The following TBC1D5 variants were observed in gnomAD, a reference collection of about 807,000 sequenced individuals.
The protein encoded by TBC1D5 is TBC1 domain family member 5.
TBC1D5 carries 75 observed loss-of-function variants against 100.3 expected under a neutral mutation model. The observed-to-expected ratio is 0.75, with a 90% CI of 0.62 to 0.91. TBC1D5 has a LOEUF of 0.91. Among genes scored for constraint, TBC1D5 ranks in the 40% least tolerant of loss-of-function variants. TBC1D5 has a pLI of 0.00. For synonymous variants in TBC1D5, 323 were observed against 325.6 expected, an observed-to-expected ratio of 0.99 and a Z score of 0.09; for missense variants, 910 against 942.4, an observed-to-expected ratio of 0.97 and a Z score of 0.45.
chr3:17,193,038 T>G (rs868024951), intron 18 of TBC1D5, among the ~76,000 whole-genome samples: 26 of 152,268 alleles, frequency 1.7e-4, no homozygotes, highest in Non-Finnish European at 2.9e-5. Context: ...TTTTCACTCC[T>G]TTAGTTTCCC....
At chr3:17,445,128 T>C (rs2094756359) in intron 3 of TBC1D5, among the ~76,000 whole-genome samples, 2 of 152,186 alleles carry the variant, frequency 1.3e-5, no homozygotes, top group Admixed American at 1.3e-4. Flanking sequence ...ATATTTCACA[T>C]CTAGTTTATG....
chr3:17,481,696 G>A (rs555270106), intron 3 of TBC1D5, among the ~76,000 whole-genome samples: 13 of 152,336 alleles, frequency 8.5e-5, no homozygotes, highest in East Asian at 1.9e-4. Flanking sequence ...CCTTAAAAAT[G>A]TATTGTATTA....
chr3:17,327,121 T>A (rs1196403491), intron 13 of TBC1D5, among the ~76,000 whole-genome samples: 2 of 152,208 alleles, frequency 1.3e-5, no homozygotes, highest in African/African-American at 2.4e-5. Context: ...TTTATTTAAC[T>A]GAATAAATTT....
At chr3:17,706,735 AATTAT>A (rs2074220779) in intron 1 of TBC1D5, among the ~76,000 whole-genome samples, 1 of 151,790 alleles carries the variant, frequency 6.6e-6, no homozygotes, top group Non-Finnish European at 1.5e-5. Flanking sequence ...TTTGAGTTTA[AATTAT>A]ATTAAATTAA....
chr3:17,242,160 T>TG (rs1422791342), intron 16 of TBC1D5, among the ~76,000 whole-genome samples: 1 of 152,190 alleles, frequency 6.6e-6, no homozygotes, highest in African/African-American at 2.4e-5. Context: ...GGGCCTCCAA[T>TG]GCCTTCGTAG....
intron 2 of TBC1D5, among the ~76,000 whole-genome samples, chr3:17,573,081 A>AT (rs1281289424): frequency 6.6e-6 from 1 of 152,064 alleles, no homozygotes; most frequent in Admixed American, 6.6e-5. Context: ...AGATCCATAC[A>AT]TTCAACCATC....
Position 17,632,963 on chromosome 3 carries a change from T to C in TBC1D5, c.-100-9050A>G, listed in dbSNP as rs1002879884. ...GCCTATAGTGATAATACACCCTTTT[T>C]CCCCAACAATTATAACTTTATTCCA... On this transcript the variant is annotated intron_variant, in intron 1 of 21. Coordinates refer to ENST00000253692, the Ensembl canonical transcript of TBC1D5. Among the ~76,000 whole-genome samples, 7 of 152,236 alleles carry C rather than the reference T, an allele frequency of 4.6e-5. No individual in the cohort carries two copies. The South Asian group carries it at 8.3e-4, about 18-fold the overall frequency.
At chr3:17,720,221 CTT>C (rs2075579948) in intron 1 of TBC1D5, among the ~76,000 whole-genome samples, 1 of 152,102 alleles carries the variant, frequency 6.6e-6, no homozygotes, top group African/African-American at 2.4e-5. Context: ...GAAATGGCTG[CTT>C]TGTTTTCAAT....
At chr3:17,205,273 A>G (rs1243779202) in intron 18 of TBC1D5, among the ~76,000 whole-genome samples, 2 of 152,218 alleles carry the variant, frequency 1.3e-5, no homozygotes, top group Non-Finnish European at 2.9e-5. Context: ...TGAACTCTAG[A>G]TTCCAGTTTT....
chr3:17,405,130 T>C (rs1303870817), intron 5 of TBC1D5, among the ~76,000 whole-genome samples, 169 bp from the exon 6 acceptor site: 1 of 152,024 alleles, frequency 6.6e-6, no homozygotes, highest in Non-Finnish European at 1.5e-5. Context: ...TTAAGAAATA[T>C]ATAATCAGAA....
chr3:17,686,326 T>C (rs535069602), intron 1 of TBC1D5, among the ~76,000 whole-genome samples: 2 of 152,274 alleles, frequency 1.3e-5, no homozygotes, highest in South Asian at 4.1e-4. Context: ...ATTCTTTATA[T>C]CCTTAAATAG....
chr3:17,633,494 G>T (rs1435853799), intron 1 of TBC1D5, among the ~76,000 whole-genome samples: 1 of 151,912 alleles, frequency 6.6e-6, no homozygotes, highest in Non-Finnish European at 1.5e-5. Context: ...TGTTTCCATA[G>T]AACAGGTAAA....
intron 2 of TBC1D5, among the ~76,000 whole-genome samples, chr3:17,596,315 CTTTT>C (rs397874911): frequency 1.6e-5 from 2 of 126,010 alleles, no homozygotes; most frequent in Non-Finnish European, 3.4e-5. Flanking sequence ...TCCAGCTTTC[CTTTT>C]TTTTTTTTTT....
chr3:17,215,205 T>C (rs1453023029), intron 17 of TBC1D5, among the ~76,000 whole-genome samples: 1 of 152,030 alleles, frequency 6.6e-6, no homozygotes, highest in Non-Finnish European at 1.5e-5. Flanking sequence ...GAATCAGAGA[T>C]GGTCAAGTGG....
At chr3:17,247,013 G>C (rs1478298962) in intron 16 of TBC1D5, among the ~76,000 whole-genome samples, 2 of 151,960 alleles carry the variant, frequency 1.3e-5, no homozygotes, top group East Asian at 3.9e-4. Context: ...GTAAACACCT[G>C]TTTTTTTTCA....
At chr3:17,359,541 C>T (rs2091516188) in intron 13 of TBC1D5, among the ~76,000 whole-genome samples, 1 of 151,998 alleles carries the variant, frequency 6.6e-6, no homozygotes, top group African/African-American at 2.4e-5. Flanking sequence ...AGTCAGGAGA[C>T]ACTTATCTAG....
chr3:17,166,888 C>T (rs1256711229), exon 21 of TBC1D5: 6 of 1,613,718 alleles, frequency 3.7e-6, no homozygotes, highest in Non-Finnish European at 5.1e-6. Flanking sequence ...CTCTAGCTGG[C>T]TCTGGTTAAA....
intron 1 of TBC1D5, among the ~76,000 whole-genome samples, chr3:17,699,546 T>C (rs1577588473): frequency 3.3e-5 from 3 of 91,434 alleles, no homozygotes. Flanking sequence ...AGTATAATAA[T>C]AATAAATAGA....
intron 2 of TBC1D5, among the ~76,000 whole-genome samples, chr3:17,596,665 C>T (rs561437446): frequency 1.4e-5 from 2 of 146,952 alleles, no homozygotes; most frequent in Non-Finnish European, 3.0e-5. Flanking sequence ...AGCAGATTTG[C>T]CCTCCAGACC....
Sources: gnomAD v4.1 joint callset for allele counts (sites outside exome capture counted in the v4.1 genomes callset) on GRCh38, gnomAD v4.1.1 for gene constraint, MANE v1.5 for transcripts, NCBI Gene and HGNC (gene_info 2026-07-23, HGNC 2026-07-21) for gene names.